The following SCMH1 variants were observed in gnomAD, a reference collection of about 807,000 sequenced individuals.
SCMH1 encodes the protein polycomb protein SCMH1.
In SCMH1, 37 loss-of-function variants were observed where a neutral mutation model predicts 70.8. The observed-to-expected ratio is 0.52, with a 90% CI of 0.40 to 0.69. The LOEUF is 0.69. SCMH1 is among the 30% of genes least tolerant of loss of function. The pLI, the probability that SCMH1 is intolerant of heterozygous loss-of-function variation, is 0.00. For missense variants in SCMH1, 607 were observed against 827.3 expected, an observed-to-expected ratio of 0.73 and a Z score of 3.27; for synonymous variants, 292 against 307.4, an observed-to-expected ratio of 0.95 and a Z score of 0.52.
chr1:41,209,855 T>C (rs1364215137), intron 1 of SCMH1, among the ~76,000 whole-genome samples: 3 of 152,258 alleles, frequency 2.0e-5, no homozygotes, highest in Non-Finnish European at 2.9e-5. Context: ...TTGGAAGTTC[T>C]GGCCAGGGTA....
At chr1:41,160,603 G>A (rs1432317762) in intron 4 of SCMH1, among the ~76,000 whole-genome samples, 1 of 152,076 alleles carries the variant, frequency 6.6e-6, no homozygotes, top group Non-Finnish European at 1.5e-5. Flanking sequence ...TTCCAGTTTG[G>A]TTCAGTTCCT....
chr1:41,176,816 C>T (rs1054300772), intron 2 of SCMH1, among the ~76,000 whole-genome samples: 4 of 152,212 alleles, frequency 2.6e-5, no homozygotes, highest in Non-Finnish European at 5.9e-5. Flanking sequence ...TAGACTCCAC[C>T]TCTCAGGGCA....
intron 5 of SCMH1, among the ~76,000 whole-genome samples, chr1:41,143,805 T>A (rs1339957568): frequency 6.6e-6 from 1 of 152,192 alleles, no homozygotes; most frequent in Non-Finnish European, 1.5e-5. Flanking sequence ...TCACTGTAGA[T>A]TGCTTTGCGT....
At chr1:41,132,918 A>C (rs1642610132) in intron 6 of SCMH1, among the ~76,000 whole-genome samples, 1 of 152,174 alleles carries the variant, frequency 6.6e-6, no homozygotes, top group Non-Finnish European at 1.5e-5. Flanking sequence ...TTTTGGTACC[A>C]GTGCCATGCT....
chr1:41,216,687 T>A (rs1265664972), intron 1 of SCMH1, among the ~76,000 whole-genome samples: 1 of 152,104 alleles, frequency 6.6e-6, no homozygotes, highest in Non-Finnish European at 1.5e-5. Context: ...TAGACACAAA[T>A]ATGCTCTAAA....
chr1:41,147,380 T>C (rs1161582546), intron 5 of SCMH1, among the ~76,000 whole-genome samples: 1 of 152,210 alleles, frequency 6.6e-6, no homozygotes, highest in Admixed American at 6.5e-5. Context: ...ATATTCTTTG[T>C]AGACTATTAA....
chr1:41,161,196 C>A (rs1357987814), intron 3 of SCMH1, among the ~76,000 whole-genome samples, 168 bp downstream of exon 3: 1 of 152,192 alleles, frequency 6.6e-6, no homozygotes, highest in African/African-American at 2.4e-5. Context: ...CTATTTCCAG[C>A]TAAAACAAAG....
chr1:41,143,133 G>C, intron 5 of SCMH1, 21 bp from the exon 6 acceptor site: 6 of 1,591,222 alleles, frequency 3.8e-6, no homozygotes, highest in Non-Finnish European at 5.2e-6. Context: ...CAAGGCATGA[G>C]GTATAGACAG....
intron 1 of SCMH1, among the ~76,000 whole-genome samples, chr1:41,201,888 C>T (rs972730681): frequency 2.1e-4 from 32 of 152,244 alleles, no homozygotes; most frequent in African/African-American, 7.7e-4. Flanking sequence ...TTACTAGGAA[C>T]CTTCTTCATG....
At chr1:41,173,537 T>A (rs1473702141) in intron 2 of SCMH1, among the ~76,000 whole-genome samples, 1 of 152,166 alleles carries the variant, frequency 6.6e-6, no homozygotes, top group Non-Finnish European at 1.5e-5. Flanking sequence ...GTACAGCTAT[T>A]ATGGAAAACA....
At chr1:41,171,079 A>G (rs1170665114) in intron 2 of SCMH1, among the ~76,000 whole-genome samples, 4 of 152,252 alleles carry the variant, frequency 2.6e-5, no homozygotes, top group Non-Finnish European at 4.4e-5. Context: ...TAAGTTCAGC[A>G]GCATAGACTT....
intron 1 of SCMH1, among the ~76,000 whole-genome samples, chr1:41,186,972 G>C (rs1403689931): frequency 2.0e-5 from 3 of 151,956 alleles, no homozygotes; most frequent in Non-Finnish European, 4.4e-5. Flanking sequence ...AGGACAAATG[G>C]GACTGTAGCA....
At chr1:41,046,702 C>T (rs1398491617) in intron 11 of SCMH1, 104 bp from the exon 12 acceptor site, 3 of 886,950 alleles carry the variant, frequency 3.4e-6, no homozygotes, top group Non-Finnish European at 5.5e-6. Flanking sequence ...TACCTGGTTA[C>T]ACAAAGGGAA....
At chr1:41,218,331 A>C (rs1410419118) in intron 1 of SCMH1, among the ~76,000 whole-genome samples, 3 of 152,166 alleles carry the variant, frequency 2.0e-5, no homozygotes, top group African/African-American at 7.2e-5. Context: ...GATATAAACA[A>C]GTTAAGATGA....
intron 1 of SCMH1, among the ~76,000 whole-genome samples, chr1:41,192,495 GAC>G (rs55940657): frequency 0.3 from 44,415 of 148,494 alleles, 6,780 homozygotes; most frequent in Middle Eastern, 0.43. Context: ...TTAAATAGGA[GAC>G]ACACACACAC....
intron 2 of SCMH1, among the ~76,000 whole-genome samples, chr1:41,177,373 G>C (rs929055514): frequency 6.6e-6 from 1 of 151,448 alleles, no homozygotes; most frequent in African/African-American, 2.4e-5. Flanking sequence ...ACCAGCAATG[G>C]AACAAAGCTG....
intron 4 of SCMH1, chr1:41,159,717 A>C (rs1557695827): frequency 6.5e-7 from 1 of 1,531,792 alleles, no homozygotes; most frequent in East Asian, 2.5e-5. Flanking sequence ...AGTGCCAGGC[A>C]CCTTTACCTG....
intron 8 of SCMH1, among the ~76,000 whole-genome samples, chr1:41,084,869 T>C (rs1398788220): frequency 6.6e-6 from 1 of 150,820 alleles, no homozygotes; most frequent in Non-Finnish European, 1.5e-5. Flanking sequence ...CAGTAAACTA[T>C]CGCAAGAACA....
chr1:41,155,538 G>A (rs1214869650), intron 4 of SCMH1, among the ~76,000 whole-genome samples: 2 of 149,904 alleles, frequency 1.3e-5, no homozygotes, highest in East Asian at 1.9e-4. Flanking sequence ...AAACAAATAC[G>A]TCAGCTGGTC....
Sources: allele counts gnomAD v4.1 joint callset (sites outside exome capture counted in the v4.1 genomes callset), GRCh38; gene constraint gnomAD v4.1.1; transcripts MANE v1.5; gene names NCBI Gene and HGNC (gene_info 2026-07-23, HGNC 2026-07-21).